The following SLC5A1 variants were observed in gnomAD, a reference collection of about 807,000 sequenced individuals.
SLC5A1 encodes sodium/glucose cotransporter 1.
In SLC5A1, 42 loss-of-function variants were observed where a neutral mutation model predicts 73.5. That is an observed-to-expected ratio of 0.57 (90% CI 0.45 to 0.74). SLC5A1 has a LOEUF of 0.74. Among genes scored for constraint, SLC5A1 ranks in the 30% least tolerant of loss-of-function variants. The pLI, the probability that SLC5A1 is intolerant of heterozygous loss-of-function variation, is 0.00. For missense variants in SLC5A1, 634 were observed against 855.4 expected (o/e 0.74, Z 3.23); for synonymous variants, 300 against 317.4 (o/e 0.95, Z 0.58).
intron 10 of SLC5A1, among the ~76,000 whole-genome samples, chr22:32,087,595 GA>G (rs1159463454): frequency 6.6e-6 from 1 of 152,162 alleles, no homozygotes; most frequent in Non-Finnish European, 1.5e-5. Flanking sequence ...GTTTTCCTAG[GA>G]GACTGAGTAC....
intron 7 of SLC5A1, 99 bp downstream of exon 7, chr22:32,083,253 G>C: frequency 1.0e-6 from 1 of 978,712 alleles, no homozygotes; most frequent in Non-Finnish European, 1.6e-6. Flanking sequence ...TGCCAGACTA[G>C]GCAGTGAGCT....
rs1334687817 is a variant in SLC5A1 at position 32,112,771 on chromosome 22, A to G, written c.*2558A>G. The G allele has an allele frequency of 6.6e-6, 1 of 152,190 alleles. No individual in the cohort carries two copies. Among genetic ancestry groups the G allele is most frequent in the Non-Finnish European group, 1.5e-5 (1 of 68,026 alleles). 9.4% of individuals were successfully genotyped at this position (152,190 alleles called of 1,614,324 possible). On this transcript the variant is annotated 3_prime_UTR_variant, in exon 15 of 15. Coordinates refer to ENST00000266088, the MANE Select transcript of SLC5A1 (RefSeq NM_000343.4). The stretch of plus-strand genomic sequence containing the variant: ...GGGAGATGTTGGTCAAATGATACAA[A>G]GGTTTAGTTAGGTGGAATAAGTTCA...
At chr22:32,057,648 A>G (rs892966116) in intron 2 of SLC5A1, among the ~76,000 whole-genome samples, 2 of 152,188 alleles carry the variant, frequency 1.3e-5, no homozygotes, top group Admixed American at 1.3e-4. Context: ...GAAAGTAAAG[A>G]TAAAATTAAT....
At chr22:32,046,828 G>A (rs1471819657) in intron 1 of SLC5A1, among the ~76,000 whole-genome samples, 1 of 152,200 alleles carries the variant, frequency 6.6e-6, no homozygotes, top group Non-Finnish European at 1.5e-5. Context: ...TACCCCAGCA[G>A]CTTGGAGTTG....
rs751699704 is a variant in SLC5A1 at position 32,110,240 on chromosome 22, A to G, written c.*27A>G. 4.6e-6 allele frequency: 7 copies of G among 1,507,090 alleles called. No individual in the cohort carries two copies. Among genetic ancestry groups the G allele is most frequent in the South Asian group, 2.2e-5 (2 of 88,950 alleles). 93.4% of individuals were successfully genotyped at this position (1,507,090 alleles called of 1,614,324 possible). ...TCCTACCTTTTGCTGTAGATTTACC[A>G]TGGCTGGACTCTTACTCACCTTCCT... On this transcript the variant is annotated 3_prime_UTR_variant, in exon 15 of 15. Transcript: ENST00000266088.
At chr22:32,058,892 G>C (rs1298390663) in intron 2 of SLC5A1, among the ~76,000 whole-genome samples, 1 of 152,204 alleles carries the variant, frequency 6.6e-6, no homozygotes, top group African/African-American at 2.4e-5. Flanking sequence ...CTTCAGGAGA[G>C]AGTGGTCCTT....
intron 5 of SLC5A1, among the ~76,000 whole-genome samples, chr22:32,079,877 T>C (rs377256993): frequency 2.0e-5 from 3 of 152,284 alleles, no homozygotes; most frequent in Admixed American, 6.5e-5. Context: ...GCAAGACTTA[T>C]GCACAGCAGA....
intron 5 of SLC5A1, among the ~76,000 whole-genome samples, chr22:32,079,633 C>A (rs1685047553): frequency 6.6e-6 from 1 of 152,140 alleles, no homozygotes; most frequent in Non-Finnish European, 1.5e-5. Context: ...AAGGCAGTGT[C>A]AGCTTTGTAA....
chr22:32,062,199 A>AT (rs1163582513), intron 2 of SLC5A1, among the ~76,000 whole-genome samples: 1 of 152,202 alleles, frequency 6.6e-6, no homozygotes, highest in African/African-American at 2.4e-5. Flanking sequence ...AGAGGTATGC[A>AT]TTAAGAACTG....
Position 32,091,598 on chromosome 22 carries a change from T to C in SLC5A1, c.1130-14T>C, listed in dbSNP as rs1279213961. ...GGTGCTGTTATGTGCCACTCAAAAA[T>C]CCTTCTCTTCCAGGACTGCGAGGCC... On this transcript the variant is annotated splice_polypyrimidine_tract_variant and intron_variant, in intron 10 of 14. Transcript: ENST00000266088. 5 of 1,613,848 alleles carry C rather than the reference T, an allele frequency of 3.1e-6. No individual in the cohort carries two copies. In the African/African-American group the frequency reaches 6.7e-5, roughly 22 times the overall value.
intron 10 of SLC5A1, among the ~76,000 whole-genome samples, chr22:32,087,731 G>A (rs952844655): frequency 5.9e-5 from 9 of 152,014 alleles, no homozygotes; most frequent in South Asian, 4.2e-4. Flanking sequence ...AGGTTAGGGG[G>A]TTTCAGGAGA....
intron 2 of SLC5A1, among the ~76,000 whole-genome samples, chr22:32,058,991 T>G (rs2093956147): frequency 6.6e-6 from 1 of 152,230 alleles, no homozygotes; most frequent in South Asian, 2.1e-4. Context: ...TTCTGTTGTT[T>G]CCCCAAGTGG....
chr22:32,092,091 G>A (rs938858074), intron 11 of SLC5A1, among the ~76,000 whole-genome samples: 1 of 151,556 alleles, frequency 6.6e-6, no homozygotes. Flanking sequence ...TTTATCCCTC[G>A]CCCCCCTCCC....
intron 6 of SLC5A1, among the ~76,000 whole-genome samples, chr22:32,082,403 G>T (rs1241994435): frequency 2.0e-5 from 3 of 152,174 alleles, no homozygotes; most frequent in Non-Finnish European, 4.4e-5. Flanking sequence ...GTTCAGATGA[G>T]GTCACAGCAT....
chr22:32,064,417 G>A (rs1049385432), intron 2 of SLC5A1, among the ~76,000 whole-genome samples: 2 of 151,790 alleles, frequency 1.3e-5, no homozygotes, highest in African/African-American at 2.4e-5. Context: ...GATCACTTGA[G>A]CCTGGGAGGC....
intron 5 of SLC5A1, among the ~76,000 whole-genome samples, chr22:32,076,869 A>G (rs1302276766): frequency 6.6e-6 from 1 of 152,240 alleles, no homozygotes; most frequent in Admixed American, 6.5e-5. Context: ...TTTATTCCCC[A>G]TGAATTCCAT....
chr22:32,067,873 G>A, intron 3 of SLC5A1, 94 bp from the exon 4 acceptor site: 2 of 1,285,642 alleles, frequency 1.6e-6, no homozygotes, highest in Non-Finnish European at 2.3e-6. Context: ...GAACATGCTG[G>A]GTAATTTTTC....
chr22:32,061,850 T>C (rs541078825), intron 2 of SLC5A1, among the ~76,000 whole-genome samples: 2 of 152,120 alleles, frequency 1.3e-5, no homozygotes, highest in Admixed American at 1.3e-4. Context: ...TCTATTCAGG[T>C]CTGAGGTCCA....
At chr22:32,070,764 T>C (rs1020937709) in intron 5 of SLC5A1, among the ~76,000 whole-genome samples, 2 of 152,200 alleles carry the variant, frequency 1.3e-5, no homozygotes, top group Admixed American at 6.5e-5. Flanking sequence ...TTCTGAGATA[T>C]CTTTCTGACA....
Sources: allele counts gnomAD v4.1 joint callset (sites outside exome capture counted in the v4.1 genomes callset), GRCh38; gene constraint gnomAD v4.1.1; transcripts MANE v1.5; gene names NCBI Gene and HGNC (gene_info 2026-07-23, HGNC 2026-07-21).